The following LRRC1 variants were observed in gnomAD, a reference collection of about 807,000 sequenced individuals.
LRRC1 encodes the protein leucine rich repeat containing 1, also known as leucine-rich repeat-containing protein 1.
In LRRC1, 28 loss-of-function variants were observed where a neutral mutation model predicts 69.9. That is an observed-to-expected ratio of 0.40 (90% CI 0.30 to 0.55). The LOEUF (loss-of-function observed/expected upper bound fraction) is 0.55. LRRC1 is among the 20% of genes least tolerant of loss of function. The pLI is 0.47. For missense variants in LRRC1, 498 were observed against 609.0 expected (o/e 0.82, Z 1.92); for synonymous variants, 236 against 240.2 (o/e 0.98, Z 0.16).
At chr6:53,796,592 A>G (rs1223082875) in intron 1 of LRRC1, among the ~76,000 whole-genome samples, 1 of 152,216 alleles carries the variant, frequency 6.6e-6, no homozygotes, top group Non-Finnish European at 1.5e-5. Flanking sequence ...GCGCTGATGG[A>G]GCATTTAAAC....
intron 2 of LRRC1, among the ~76,000 whole-genome samples, chr6:53,843,454 A>G (rs1026279078): frequency 6.6e-6 from 1 of 152,200 alleles, no homozygotes; most frequent in Non-Finnish European, 1.5e-5. Flanking sequence ...AATTGTTTTT[A>G]TCTGTTACAT....
At chr6:53,839,823 T>C (rs1451728755) in intron 1 of LRRC1, among the ~76,000 whole-genome samples, 2 of 152,222 alleles carry the variant, frequency 1.3e-5, no homozygotes, top group Non-Finnish European at 2.9e-5. Flanking sequence ...AATAACCCTC[T>C]TTCCTTTTGC....
intron 1 of LRRC1, among the ~76,000 whole-genome samples, chr6:53,826,655 T>G (rs1765265494): frequency 6.6e-6 from 1 of 152,188 alleles, no homozygotes; most frequent in African/African-American, 2.4e-5. Flanking sequence ...TTTTTCATCT[T>G]CTTAACCCAG....
At chr6:53,896,577 A>C in intron 5 of LRRC1, 23 bp downstream of exon 5, 1 of 1,589,700 alleles carries the variant, frequency 6.3e-7, no homozygotes, top group Non-Finnish European at 8.6e-7. Flanking sequence ...GGAAAATAAG[A>C]GGAGATTTTG....
chr6:53,878,958 G>C (rs527366406), intron 2 of LRRC1, 35 bp from the exon 3 acceptor site: 29 of 1,341,706 alleles, frequency 2.2e-5, no homozygotes, highest in Non-Finnish European at 3.0e-5. Flanking sequence ...GTTAATAATG[G>C]TGGCAAATTA....
Position 53,920,643 on chromosome 6 carries a change from G to C in LRRC1, c.1298G>C (p.Gly433Ala), listed in dbSNP as rs751312143. The C allele has an allele frequency of 2.3e-5, 37 of 1,614,026 alleles. No individual in the cohort carries two copies. Among genetic ancestry groups the C allele is most frequent in the Admixed American group, 5.0e-5 (3 of 60,002 alleles). ...PTCQENLPRC[G>A]ALENLVNDVS... ...ACTGCAGAGAATCTGCCTCGCTGTG[G>C]TGCACTGGAGAACTTGGTAAATGAT... The change falls in exon 13 of 14, where the codon GGT becomes GCT. Residue 433 changes from glycine to alanine, a missense_variant. Physicochemically the swap from Gly to Ala is moderately conservative, Grantham distance 60 (BLOSUM62 0). This residue lies in a region of LRRC1 where 162 missense variants were observed against 162.9 expected (regional missense o/e 0.99). Transcript: ENST00000370888.
intron 10 of LRRC1, among the ~76,000 whole-genome samples, chr6:53,909,066 CATTT>C (rs1389864964): frequency 6.6e-6 from 1 of 152,108 alleles, no homozygotes; most frequent in Non-Finnish European, 1.5e-5. Flanking sequence ...TCTAGGAAAA[CATTT>C]ATGGATATAC....
At chr6:53,829,028 T>C (rs1037162514) in intron 1 of LRRC1, among the ~76,000 whole-genome samples, 2 of 152,250 alleles carry the variant, frequency 1.3e-5, no homozygotes, top group African/African-American at 2.4e-5. Flanking sequence ...CACACTATTC[T>C]GAAAACCTGT....
Position 53,858,728 on chromosome 6 carries a change from T to C in LRRC1, c.277+16501T>C, listed in dbSNP as rs142494389. 2.8e-3 allele frequency among the ~76,000 whole-genome samples: 419 copies of C among 152,322 alleles called. 3 individuals carry two copies. The highest frequency in any genetic ancestry group is 9.5e-3 in the African/African-American group (395 of 41,562). On this transcript the variant is annotated intron_variant, in intron 2 of 13. Transcript: ENST00000370888. ...TTTGTAGGAATGCTTATTATATGGA[T>C]GGTGCTGTGTGACAAGGTATGGGGT... is the stretch of plus-strand genomic sequence containing the variant.
At chr6:53,846,145 G>C (rs556031294) in intron 2 of LRRC1, among the ~76,000 whole-genome samples, 1 of 152,286 alleles carries the variant, frequency 6.6e-6, no homozygotes, top group Non-Finnish European at 1.5e-5. Flanking sequence ...AGTTTTTACA[G>C]CCTCACTTTC....
At chr6:53,910,113 A>C (rs1224344961) in intron 10 of LRRC1, among the ~76,000 whole-genome samples, 1 of 152,204 alleles carries the variant, frequency 6.6e-6, no homozygotes, top group Non-Finnish European at 1.5e-5. Flanking sequence ...AAATCAGTGC[A>C]TAACAGCTAA....
At chr6:53,877,124 C>T (rs1225517490) in intron 2 of LRRC1, among the ~76,000 whole-genome samples, 2 of 152,196 alleles carry the variant, frequency 1.3e-5, no homozygotes, top group Non-Finnish European at 1.5e-5. Context: ...TCTGTGTACC[C>T]GCAAGCTCAA....
chr6:53,841,453 A>G (rs1167965380), intron 1 of LRRC1, among the ~76,000 whole-genome samples: 1 of 151,192 alleles, frequency 6.6e-6, no homozygotes, highest in Non-Finnish European at 1.5e-5. Flanking sequence ...CGCTTTTTGT[A>G]CTCTTTCATT....
intron 2 of LRRC1, among the ~76,000 whole-genome samples, chr6:53,852,039 GTCA>G (rs1432236267): frequency 2.6e-5 from 4 of 152,180 alleles, no homozygotes; most frequent in African/African-American, 4.8e-5. Flanking sequence ...TAGGCAATAT[GTCA>G]TCATTTTAAG....
chr6:53,820,475 T>C (rs4486000), intron 1 of LRRC1, among the ~76,000 whole-genome samples: 39,085 of 148,662 alleles, frequency 0.26, 5,262 homozygotes, highest in African/African-American at 0.28. Context: ...CAAGTTAAAA[T>C]ATTGAACAGT....
rs1554187417 is a variant in LRRC1 at position 53,919,494 on chromosome 6, A to C, written c.1107-4A>C. 3.3e-6 allele frequency: 5 copies of C among 1,529,432 alleles called. No homozygotes were observed. Among genetic ancestry groups the C allele is most frequent in the Non-Finnish European group, 4.4e-6 (5 of 1,146,096 alleles). 94.7% of individuals were successfully genotyped at this position (1,529,432 alleles called of 1,614,324 possible). A position where few individuals can be genotyped will look rare whatever the true frequency, so the allele number is the denominator to read the frequency against. On this transcript the variant is annotated splice_polypyrimidine_tract_variant and splice_region_variant and intron_variant, in intron 11 of 13. Coordinates refer to ENST00000370888, the MANE Select transcript of LRRC1 (RefSeq NM_018214.5). ...TCTTTTTTTAAAAAAAAAAAAAAAA[A>C]CAGGTTGCTGCATCTACCTTTATCC...
At chr6:53,812,941 T>C (rs1023165890) in intron 1 of LRRC1, among the ~76,000 whole-genome samples, 11 of 151,806 alleles carry the variant, frequency 7.2e-5, no homozygotes, top group Non-Finnish European at 7.4e-5. Context: ...GATTTTTTTT[T>C]CCTCTAGAGT....
intron 10 of LRRC1, among the ~76,000 whole-genome samples, chr6:53,913,391 C>T (rs1304050829): frequency 2.6e-5 from 4 of 151,342 alleles, no homozygotes; most frequent in African/African-American, 9.7e-5. Flanking sequence ...AACTGGAACA[C>T]CAAGAATGCT....
At position 53,891,999 on chromosome 6, in the gene LRRC1, A is replaced by AAT. The variant is rs1554185480; in HGVS notation, c.447-4487_447-4486dup. On this transcript the variant is annotated intron_variant, in intron 4 of 13. Transcript: ENST00000370888. ...AGAGTAAGATTCTGTCTAAAAAAAA[A>AAT]ATATATATATATACACACACACACA... is the stretch of plus-strand genomic sequence containing the variant. Among the ~76,000 whole-genome samples the AAT allele has an allele frequency of 3.4e-3, 460 of 133,718 alleles. 2 individuals are homozygous for AAT. The highest frequency in any genetic ancestry group is 0.012 in the African/African-American group (424 of 34,502). 87.7% of individuals were successfully genotyped at this position (133,718 alleles called of 152,430 possible).
Sources: allele counts gnomAD v4.1 joint callset (sites outside exome capture counted in the v4.1 genomes callset), GRCh38; gene constraint gnomAD v4.1.1; regional missense constraint gnomAD v4.1.1; transcripts MANE v1.5; gene names NCBI Gene and HGNC (gene_info 2026-07-23, HGNC 2026-07-21).